GRIA4: variants seen among roughly 807,000 people sequenced by gnomAD.
GRIA4 encodes the protein glutamate receptor 4.
GRIA4 carries 34 observed loss-of-function variants against 104.0 expected under a neutral mutation model. The ratio of observed to expected loss-of-function variants is 0.33; its 90% confidence interval spans 0.25 to 0.44. The LOEUF is 0.44. GRIA4 is among the 20% of genes least tolerant of loss of function. The probability of loss-of-function intolerance (pLI) is 1.00; values close to 1 mark genes in which losing one functional copy is unlikely to be tolerated. For missense variants in GRIA4, 750 were observed against 1,096.5 expected (o/e 0.68, Z 4.46); for synonymous variants, 386 against 381.9 (o/e 1.01, Z -0.13).
chr11:105,691,389 T>C (rs1220308146), intron 3 of GRIA4, among the ~76,000 whole-genome samples: 1 of 152,062 alleles, frequency 6.6e-6, no homozygotes, highest in Admixed American at 6.5e-5. Context: ...TAGAAGACAA[T>C]GTAGTCTGTT....
intron 11 of GRIA4, among the ~76,000 whole-genome samples, chr11:105,920,685 A>G (rs1420629961): frequency 6.6e-6 from 1 of 152,168 alleles, no homozygotes; most frequent in African/African-American, 2.4e-5. Context: ...ACATGTCACA[A>G]TAACAAAAAG....
At chr11:105,865,324 G>C (rs1343832191) in intron 5 of GRIA4, among the ~76,000 whole-genome samples, 2 of 152,156 alleles carry the variant, frequency 1.3e-5, no homozygotes, top group Non-Finnish European at 2.9e-5. Context: ...AAACAAATTG[G>C]AATTTTGGCT....
intron 5 of GRIA4, among the ~76,000 whole-genome samples, chr11:105,883,380 A>C (rs1946136625): frequency 6.6e-6 from 1 of 150,594 alleles, no homozygotes; most frequent in Non-Finnish European, 1.5e-5. Context: ...TGCACCCATT[A>C]ACTTCTCATT....
At chr11:105,731,567 A>C (rs1938589452) in intron 3 of GRIA4, among the ~76,000 whole-genome samples, 1 of 152,194 alleles carries the variant, frequency 6.6e-6, no homozygotes, top group Non-Finnish European at 1.5e-5. Flanking sequence ...ATATAAAGAC[A>C]CTTGCACACG....
In GRIA4 at chr11:105,981,835, A is replaced by T. The variant is rs905807963; in HGVS notation, c.*2096A>T. ...TCAATACTCCAACTGAATTTTACTT[A>T]CCCTGAAAAGATTTCCATGGCTATC... On this transcript the variant is annotated 3_prime_UTR_variant, in exon 17 of 17. Transcript: ENST00000282499. The T allele has an allele frequency of 1.3e-5, 2 of 152,510 alleles. No homozygotes were observed. Among genetic ancestry groups the T allele is most frequent in the Non-Finnish European group, 2.9e-5 (2 of 68,082 alleles). 9.4% of individuals were successfully genotyped at this position (152,510 alleles called of 1,614,324 possible).
intron 15 of GRIA4, 22 bp downstream of exon 15, chr11:105,972,050 C>A: frequency 7.0e-7 from 1 of 1,423,860 alleles, no homozygotes; most frequent in Non-Finnish European, 9.9e-7. Context: ...CAGTTCGGGG[C>A]CTCCTCTTGT....
At chr11:105,853,092 C>T (rs1334477105) in intron 4 of GRIA4, among the ~76,000 whole-genome samples, 1 of 125,068 alleles carries the variant, frequency 8.0e-6, no homozygotes, top group Non-Finnish European at 1.8e-5. Flanking sequence ...ACTCAAACTT[C>T]AACATACGGT....
At chr11:105,657,174 A>G (rs1274056951) in intron 3 of GRIA4, among the ~76,000 whole-genome samples, 1 of 152,042 alleles carries the variant, frequency 6.6e-6, no homozygotes, top group Non-Finnish European at 1.5e-5. Flanking sequence ...GTTAACTCCA[A>G]ATGAACAAGT....
chr11:105,680,851 A>G (rs1952686886), intron 3 of GRIA4, among the ~76,000 whole-genome samples: 1 of 152,116 alleles, frequency 6.6e-6, no homozygotes, highest in Non-Finnish European at 1.5e-5. Context: ...ACAAGCCACA[A>G]TTACAAGTAA....
chr11:105,974,196 C>A (rs509512), intron 15 of GRIA4, 114 bp from the exon 16 acceptor site: 565,706 of 990,342 alleles, frequency 0.57, 162,823 homozygotes, highest in Middle Eastern at 0.66. Flanking sequence ...ACTTGTAAAT[C>A]ATTTCAGGTT....
chr11:105,757,337 G>A (rs1240572761), intron 4 of GRIA4, among the ~76,000 whole-genome samples: 1 of 152,110 alleles, frequency 6.6e-6, no homozygotes, highest in East Asian at 1.9e-4. Flanking sequence ...TAAAGGATTC[G>A]AGGGCAGATG....
chr11:105,959,451 T>C (rs1948678911), intron 14 of GRIA4, among the ~76,000 whole-genome samples: 1 of 152,238 alleles, frequency 6.6e-6, no homozygotes, highest in Admixed American at 6.5e-5. Flanking sequence ...TTCAGTTCTA[T>C]CAGGTCTTTT....
At chr11:105,760,691 C>T (rs1207972279) in intron 4 of GRIA4, among the ~76,000 whole-genome samples, 1 of 151,800 alleles carries the variant, frequency 6.6e-6, no homozygotes, top group Non-Finnish European at 1.5e-5. Context: ...TTAACCAATG[C>T]TTCAATTCCT....
At chr11:105,965,905 C>T (rs760053981) in intron 14 of GRIA4, 1 of 1,317,730 alleles carries the variant, frequency 7.6e-7, no homozygotes, top group Non-Finnish European at 1.1e-6. Flanking sequence ...AACATCTTAA[C>T]AGCTGTGCAG....
chr11:105,702,294 T>C (rs1175016084), intron 3 of GRIA4, among the ~76,000 whole-genome samples: 5 of 152,154 alleles, frequency 3.3e-5, no homozygotes, highest in Admixed American at 1.3e-4. Context: ...ATTAATTAAA[T>C]ATAAAATAAA....
At chr11:105,685,517 T>C (rs1565462719) in intron 3 of GRIA4, among the ~76,000 whole-genome samples, 2 of 152,306 alleles carry the variant, frequency 1.3e-5, no homozygotes, top group East Asian at 1.9e-4. Flanking sequence ...TAATTCAGTC[T>C]ACTAAAAGAG....
chr11:105,735,856 C>A (rs570123036), intron 3 of GRIA4, among the ~76,000 whole-genome samples: 123 of 152,164 alleles, frequency 8.1e-4, no homozygotes, highest in African/African-American at 2.8e-3. Context: ...TTTAAACAGA[C>A]AATAAACAGC....
chr11:105,794,500 T>TATATATATATATAC (rs1565241372), intron 4 of GRIA4, among the ~76,000 whole-genome samples: 6 of 121,138 alleles, frequency 5.0e-5, no homozygotes, highest in Non-Finnish European at 1.0e-4. Flanking sequence ...TATATATATA[T>TATATATATATATAC]ATATATATAT....
At chr11:105,639,900 A>G (rs1951311558) in intron 3 of GRIA4, among the ~76,000 whole-genome samples, 1 of 151,958 alleles carries the variant, frequency 6.6e-6, no homozygotes, top group African/African-American at 2.4e-5. Context: ...TTTACAGATT[A>G]CATCTTAATT....
Sources: gnomAD v4.1 joint callset for allele counts (sites outside exome capture counted in the v4.1 genomes callset) on GRCh38, gnomAD v4.1.1 for gene constraint, MANE v1.5 for transcripts, NCBI Gene and HGNC (gene_info 2026-07-23, HGNC 2026-07-21) for gene names.